The following CDH26 variants were observed in gnomAD, a reference collection of about 807,000 sequenced individuals.
CDH26 encodes the protein cadherin 26.
In CDH26, 83 loss-of-function variants were observed where a neutral mutation model predicts 90.3. That is an observed-to-expected ratio of 0.92 (90% CI 0.77 to 1.10). The LOEUF is 1.10. Ranked by LOEUF, CDH26 falls within the 50% of genes least tolerant of loss-of-function variation. CDH26 has a pLI of 0.00. For missense variants in CDH26, 1,013 were observed against 1,037.6 expected, an observed-to-expected ratio of 0.98 and a Z score of 0.33; for synonymous variants, 397 against 396.3, an observed-to-expected ratio of 1.00 and a Z score of -0.02.
At chr20:60,025,820 C>T (rs941807682) in intron 7 of CDH26, among the ~76,000 whole-genome samples, 1 of 152,248 alleles carries the variant, frequency 6.6e-6, no homozygotes, top group Non-Finnish European at 1.5e-5. Context: ...CTGCCAAGCA[C>T]TGACTCCAGC....
At chr20:59,974,707 T>A (rs909438181) in intron 4 of CDH26, among the ~76,000 whole-genome samples, 2 of 152,202 alleles carry the variant, frequency 1.3e-5, no homozygotes, top group African/African-American at 4.8e-5. Context: ...AGGTACTTAT[T>A]TGATCCGTGG....
intron 2 of CDH26, among the ~76,000 whole-genome samples, chr20:59,969,551 A>G (rs901363341): frequency 1.3e-5 from 2 of 152,260 alleles, no homozygotes; most frequent in African/African-American, 2.4e-5. Flanking sequence ...AAACAAAACA[A>G]TGCTTTAAAT....
At chr20:59,981,481 A>T (rs1274698507) in intron 4 of CDH26, among the ~76,000 whole-genome samples, 1 of 152,166 alleles carries the variant, frequency 6.6e-6, no homozygotes, top group East Asian at 1.9e-4. Flanking sequence ...CTGTTTTAAA[A>T]TTTTTATTTC....
At position 59,988,985 on chromosome 20, in the gene CDH26, G is replaced by A. The variant is rs374148815; in HGVS notation, c.1105G>A (p.Gly369Arg). Residue 369 changes from glycine to arginine, a missense_variant, in exon 9 of 18, where the codon GGA becomes AGA. Coordinates refer to ENST00000348616, the MANE Select transcript of CDH26 (RefSeq NM_177980.4). ...GGAGAGGCTCGTCTTCTGTGAGAGA[G>A]GAAAGCTTCAGCCGCCAAGGAAGGC... ...NEERLVFCER[G>R]KLQPPRKAAA... The A allele has an allele frequency of 6.8e-6, 11 of 1,614,174 alleles. No homozygotes were observed. The highest frequency in any genetic ancestry group is 9.3e-6 in the Non-Finnish European group (11 of 1,180,038).
intron 15 of CDH26, among the ~76,000 whole-genome samples, chr20:60,002,111 G>A (rs2146006960): frequency 6.6e-6 from 1 of 152,186 alleles, no homozygotes; most frequent in East Asian, 1.9e-4. Flanking sequence ...GGTATTCAGG[G>A]TCTAAAGAGC....
Position 59,966,231 on chromosome 20 carries a change from TAAAAAAA to T in CDH26, c.70-2716_70-2710del, listed in dbSNP as rs60088029. Among the ~76,000 whole-genome samples, 33 of 76,266 alleles carry T rather than the reference TAAAAAAA, an allele frequency of 4.3e-4. 1 individual carries two copies. The highest frequency in any genetic ancestry group is 1.6e-3 in the African/African-American group (26 of 15,908). 50.0% of individuals were successfully genotyped at this position (76,266 alleles called of 152,430 possible). On this transcript the variant is annotated intron_variant, in intron 1 of 17. Coordinates refer to ENST00000348616, the MANE Select transcript of CDH26 (RefSeq NM_177980.4). ...TCTTTCAAGTAAAATGGTGTTGCAT[TAAAAAAA>T]AAAAAAAAAAAAAAAAAAAGTGGCC... is the stretch of plus-strand genomic sequence containing the variant.
intron 11 of CDH26, among the ~76,000 whole-genome samples, 176 bp from the exon 12 acceptor site, chr20:59,995,657 G>A (rs1213777534): frequency 6.6e-6 from 1 of 152,234 alleles, no homozygotes; most frequent in Non-Finnish European, 1.5e-5. Flanking sequence ...TTAGGAATCC[G>A]TGAACTTGCA....
At chr20:59,982,489 G>C (rs1425801289) in intron 4 of CDH26, among the ~76,000 whole-genome samples, 1 of 152,192 alleles carries the variant, frequency 6.6e-6, no homozygotes, top group Non-Finnish European at 1.5e-5. Flanking sequence ...GTCAGTAGCT[G>C]TGCTAGTTAC....
chr20:59,984,950 T>C lies in CDH26; in HGVS notation c.709-51T>C. ...TAAACAGAATATTTCTTTATTAATA[T>C]TTTCCTTTCCTGTATTTGAGGGGCT... On this transcript the variant is annotated intron_variant, in intron 6 of 17. Transcript: ENST00000348616. 1.9e-6 allele frequency: 3 copies of C among 1,594,440 alleles called. No homozygotes were observed. In the South Asian group the frequency reaches 3.4e-5, roughly 18 times the overall value.
At chr20:60,010,282 C>G (rs1373761677) in intron 17 of CDH26, among the ~76,000 whole-genome samples, 1 of 152,108 alleles carries the variant, frequency 6.6e-6, no homozygotes, top group Non-Finnish European at 1.5e-5. Flanking sequence ...GCTGCCCTTT[C>G]CAGGCCCTCC....
Position 59,967,875 on chromosome 20 carries a change from T to C in CDH26, c.70-1092T>C, listed in dbSNP as rs1218356307. Among the ~76,000 whole-genome samples, 523 of 99,530 alleles carry C rather than the reference T, an allele frequency of 5.3e-3. 12 individuals carry two copies. Among genetic ancestry groups the C allele is most frequent in the African/African-American group, 0.034 (487 of 14,258 alleles). 65.3% of individuals were successfully genotyped at this position (99,530 alleles called of 152,430 possible). On this transcript the variant is annotated intron_variant, in intron 1 of 17. Transcript: ENST00000348616. ...TTTCTTTCTTTCTTTCTTTCTTTCT[T>C]TCTTCCTTCCTTCCTTCCTTCCTTC...
intron 4 of CDH26, among the ~76,000 whole-genome samples, chr20:59,978,394 G>A (rs1397709524): frequency 8.2e-6 from 1 of 121,766 alleles, no homozygotes; most frequent in Non-Finnish European, 1.7e-5. Flanking sequence ...TTTTTTTTTT[G>A]AGATGAAGTC....
At chr20:59,971,076 A>G (rs2061255553) in intron 3 of CDH26, among the ~76,000 whole-genome samples, 1 of 152,124 alleles carries the variant, frequency 6.6e-6, no homozygotes, top group Admixed American at 6.5e-5. Flanking sequence ...CACCAGGCTC[A>G]TGTTGTTTAT....
At chr20:60,026,179 A>G (rs919968876) in intron 7 of CDH26, among the ~76,000 whole-genome samples, 1 of 152,146 alleles carries the variant, frequency 6.6e-6, no homozygotes, top group Non-Finnish European at 1.5e-5. Context: ...TTGTTTCCCT[A>G]TGGGGAGCAG....
intron 7 of CDH26, among the ~76,000 whole-genome samples, chr20:60,024,824 T>C (rs902539644): frequency 6.6e-6 from 1 of 152,202 alleles, no homozygotes; most frequent in Non-Finnish European, 1.5e-5. Context: ...CTTTCCCAAA[T>C]GTACAATGCA....
At chr20:60,031,441 A>G (rs2062039331) in intron 8 of CDH26, 1 of 1,095,968 alleles carries the variant, frequency 9.1e-7, no homozygotes, top group African/African-American at 1.7e-5. Flanking sequence ...GAGTCTCTAT[A>G]TTTTTGCATG....
At chr20:60,001,675 A>G (rs1207673706) in intron 15 of CDH26, 1 of 926,152 alleles carries the variant, frequency 1.1e-6, no homozygotes, top group Non-Finnish European at 1.3e-6. Flanking sequence ...ATCCACAAAT[A>G]GATACATTTT....
intron 1 of CDH26, among the ~76,000 whole-genome samples, chr20:59,967,161 A>G (rs559780097): frequency 1.1e-3 from 166 of 152,306 alleles, no homozygotes; most frequent in Non-Finnish European, 2.1e-3. Context: ...ATAATTTAGG[A>G]TGAGAGTTAC....
intron 7 of CDH26, among the ~76,000 whole-genome samples, chr20:60,020,483 G>A (rs906127096): frequency 1.3e-5 from 2 of 152,220 alleles, no homozygotes; most frequent in Admixed American, 1.3e-4. Flanking sequence ...TGTGGGCGGT[G>A]AAGGGTGGGT....
Sources: gnomAD v4.1 joint callset for allele counts (sites outside exome capture counted in the v4.1 genomes callset) on GRCh38, gnomAD v4.1.1 for gene constraint, MANE v1.5 for transcripts, NCBI Gene and HGNC (gene_info 2026-07-23, HGNC 2026-07-21) for gene names.